The following KHDRBS2 variants were observed in gnomAD, a reference collection of about 807,000 sequenced individuals.
The protein encoded by KHDRBS2 is KH RNA binding domain containing, signal transduction associated 2, also known as KH domain-containing, RNA-binding, signal transduction-associated protein 2.
A neutral mutation model predicts 44.3 loss-of-function variants in KHDRBS2; 26 were observed. The ratio of observed to expected loss-of-function variants is 0.59; its 90% CI spans 0.43 to 0.81. The LOEUF (loss-of-function observed/expected upper bound fraction) is 0.81, where lower values mean the gene tolerates loss of function less well. Ranked by LOEUF, KHDRBS2 falls within the 40% of genes least tolerant of loss-of-function variation. The probability of loss-of-function intolerance (pLI) is 0.00; values close to 1 mark genes in which losing one functional copy is unlikely to be tolerated. For synonymous variants in KHDRBS2, 194 were observed against 151.1 expected (o/e 1.28, Z -2.08); for missense variants, 476 against 433.1 (o/e 1.10, Z -0.88).
intron 1 of KHDRBS2, among the ~76,000 whole-genome samples, chr6:62,276,125 T>C (rs542777268): frequency 6.6e-6 from 1 of 152,308 alleles, no homozygotes; most frequent in Non-Finnish European, 1.5e-5. Context: ...GAAAACACAC[T>C]TATTCTGGTT....
chr6:61,911,929 G>A (rs1329819793), intron 4 of KHDRBS2, among the ~76,000 whole-genome samples: 4 of 150,582 alleles, frequency 2.7e-5, no homozygotes, highest in East Asian at 1.9e-4. Flanking sequence ...TATTCTTTCC[G>A]AATATTTAAT....
chr6:62,005,123 T>C (rs1778978225), intron 3 of KHDRBS2, among the ~76,000 whole-genome samples: 1 of 152,122 alleles, frequency 6.6e-6, no homozygotes, highest in Admixed American at 6.6e-5. Context: ...TTGATGTTCT[T>C]GGTGTATATA....
At chr6:62,227,668 A>C (rs1832133661) in intron 1 of KHDRBS2, among the ~76,000 whole-genome samples, 1 of 152,074 alleles carries the variant, frequency 6.6e-6, no homozygotes, top group Non-Finnish European at 1.5e-5. Context: ...GTTTGTCATA[A>C]ATAGTTGTTT....
chr6:62,188,964 G>C (rs1049633182), intron 1 of KHDRBS2, among the ~76,000 whole-genome samples: 2 of 151,832 alleles, frequency 1.3e-5, no homozygotes, highest in Admixed American at 6.6e-5. Context: ...AAATTCAAAA[G>C]ATTAGCCACG....
At chr6:62,123,612 A>T (rs1320207975) in intron 2 of KHDRBS2, among the ~76,000 whole-genome samples, 4 of 152,202 alleles carry the variant, frequency 2.6e-5, no homozygotes, top group African/African-American at 4.8e-5. Flanking sequence ...GAGATGCATA[A>T]TTTTTTAAAT....
rs1172678266 is a variant in KHDRBS2, at chr6:61,930,526, AAAAAAAAAAAAAAAAAAAAG to A, written c.484-29175_484-29156del. Among the ~76,000 whole-genome samples, 127 of 22,680 alleles carry A rather than the reference AAAAAAAAAAAAAAAAAAAAG, an allele frequency of 5.6e-3. 5 individuals are homozygous for A. The highest frequency in any genetic ancestry group is 0.016 in the African/African-American group (102 of 6,542). 14.9% of individuals were successfully genotyped at this position (22,680 alleles called of 152,430 possible). ...ATAATGGACCCTATACCGCCCCTAA[AAAAAAAAAAAAAAAAAAAAG>A]AAAAAAAAAAAAAAAAAAAAAGGCT... On this transcript the variant is annotated intron_variant, in intron 4 of 8. Transcript: ENST00000281156.
intron 3 of KHDRBS2, among the ~76,000 whole-genome samples, chr6:62,036,383 C>T (rs1360925324): frequency 6.6e-6 from 1 of 151,690 alleles, no homozygotes; most frequent in Non-Finnish European, 1.5e-5. Context: ...AGATACAGGG[C>T]CTATTTGAGG....
chr6:61,607,520 C>CAAAAAAAAAAAA, the KHDRBS2 span, among the ~76,000 whole-genome samples: 751 of 40,946 alleles, frequency 0.018, 169 homozygotes, highest in East Asian at 0.03. Flanking sequence ...GAGTTCCAAG[C>CAAAAAAAAAAAA]AAAAAAAAAA....
At chr6:61,997,497 G>T (rs1777426298) in intron 3 of KHDRBS2, among the ~76,000 whole-genome samples, 1 of 152,104 alleles carries the variant, frequency 6.6e-6, no homozygotes, top group African/African-American at 2.4e-5. Flanking sequence ...AACTATACCA[G>T]TTTTTCCCAA....
intron 7 of KHDRBS2, among the ~76,000 whole-genome samples, chr6:61,722,569 T>A (rs1772822032): frequency 6.6e-6 from 1 of 152,200 alleles, no homozygotes; most frequent in Non-Finnish European, 1.5e-5. Flanking sequence ...TTATCTTTTA[T>A]CTTAGTTCTA....
chr6:62,058,907 G>A (rs1388536536), intron 2 of KHDRBS2, among the ~76,000 whole-genome samples: 1 of 151,590 alleles, frequency 6.6e-6, no homozygotes, highest in Admixed American at 6.6e-5. Flanking sequence ...TTATTCAATG[G>A]ACATATTTGT....
At position 62,070,953 on chromosome 6, in the gene KHDRBS2, C is replaced by G. The variant is rs548127943; in HGVS notation, c.220-22959G>C. Among the ~76,000 whole-genome samples, 201 of 152,282 alleles carry G rather than the reference C, an allele frequency of 1.3e-3. 1 individual carries two copies. The highest frequency in any genetic ancestry group is 3.4e-3 in the Middle Eastern group (1 of 294). On this transcript the variant is annotated intron_variant, in intron 2 of 8. Transcript: ENST00000281156. Reference sequence around the variant, plus strand: ...ATGGTTGAACTAGTTTACAGTCCCACCAACAGTGTAAAAGTGTTCCTATTT... The same window carrying G: ...ATGGTTGAACTAGTTTACAGTCCCAGCAACAGTGTAAAAGTGTTCCTATTT...
intron 4 of KHDRBS2, among the ~76,000 whole-genome samples, chr6:61,961,063 G>A (rs1198020204): frequency 6.6e-6 from 1 of 152,084 alleles, no homozygotes; most frequent in African/African-American, 2.4e-5. Flanking sequence ...TTAGAAGTGA[G>A]ACTTGTATGG....
chr6:61,781,782 G>A (rs1242523668), intron 6 of KHDRBS2, among the ~76,000 whole-genome samples: 1 of 152,136 alleles, frequency 6.6e-6, no homozygotes, highest in Admixed American at 6.6e-5. Flanking sequence ...CTGGAGGGTA[G>A]ACGTTATCAA....
intron 2 of KHDRBS2, among the ~76,000 whole-genome samples, chr6:62,067,488 G>T (rs570053998): frequency 6.6e-6 from 1 of 151,456 alleles, no homozygotes; most frequent in East Asian, 2.0e-4. Context: ...TGTACATTCA[G>T]TCATGTACCT....
chr6:62,032,167 G>C (rs1037887759), intron 3 of KHDRBS2, among the ~76,000 whole-genome samples: 1 of 152,098 alleles, frequency 6.6e-6, no homozygotes, highest in African/African-American at 2.4e-5. Context: ...AACTTGATTG[G>C]ATTGAAGGAT....
rs9294651 is a variant in KHDRBS2, at chr6:61,897,502, A to G, written c.612-2669T>C. On this transcript the variant is annotated intron_variant, in intron 5 of 8. Coordinates refer to ENST00000281156, the MANE Select transcript of KHDRBS2 (RefSeq NM_152688.4). ...CTACTCTTAGTTAATGATATCATCAATTTCTCACCAGGCTAGACACCAAAA... is the reference window on the plus strand; with the variant it reads ...CTACTCTTAGTTAATGATATCATCAGTTTCTCACCAGGCTAGACACCAAAA... Among the ~76,000 whole-genome samples the G allele has an allele frequency of 8.8e-3, 1,336 of 152,194 alleles. 17 individuals are homozygous for G. Among genetic ancestry groups the G allele is most frequent in the African/African-American group, 0.031 (1,273 of 41,534 alleles).
At chr6:61,666,461 T>C in the KHDRBS2 span, among the ~76,000 whole-genome samples, 36 of 151,236 alleles carry the variant, frequency 2.4e-4, no homozygotes, top group African/African-American at 8.5e-4. Context: ...TTACCAAATA[T>C]ATATATTTGT....
intron 2 of KHDRBS2, among the ~76,000 whole-genome samples, chr6:62,149,359 T>C (rs1234919061): frequency 6.6e-6 from 1 of 152,124 alleles, no homozygotes; most frequent in Non-Finnish European, 1.5e-5. Flanking sequence ...TGTTAATTCC[T>C]AAACATCTCA....
Sources: gnomAD v4.1 joint callset for allele counts (sites outside exome capture counted in the v4.1 genomes callset) on GRCh38, gnomAD v4.1.1 for gene constraint, MANE v1.5 for transcripts, NCBI Gene and HGNC (gene_info 2026-07-23, HGNC 2026-07-21) for gene names.